THSD7A: variants seen among roughly 807,000 people sequenced by gnomAD.
THSD7A encodes the protein thrombospondin type-1 domain-containing protein 7A.
THSD7A carries 96 observed loss-of-function variants against 231.3 expected under a neutral mutation model. The ratio of observed to expected loss-of-function variants is 0.41; its 90% CI spans 0.35 to 0.49. The LOEUF is 0.49. Ranked by LOEUF, THSD7A falls within the 20% of genes least tolerant of loss-of-function variation. The probability of loss-of-function intolerance (pLI) is 0.05; values close to 1 mark genes in which losing one functional copy is unlikely to be tolerated. For synonymous variants in THSD7A, 940 were observed against 743.3 expected, an observed-to-expected ratio of 1.26 and a Z score of -4.30; for missense variants, 2,290 against 2,070.2, an observed-to-expected ratio of 1.11 and a Z score of -2.06.
intron 5 of THSD7A, 89 bp from the exon 6 acceptor site, chr7:11,541,720 A>T (rs928416310): frequency 8.1e-7 from 1 of 1,230,550 alleles, no homozygotes; most frequent in African/African-American, 1.5e-5. Context: ...TAAAAGTTGG[A>T]TAAGAGTGGA....
intron 1 of THSD7A, among the ~76,000 whole-genome samples, chr7:11,698,266 C>T (rs545900356): frequency 7.3e-5 from 11 of 151,122 alleles, no homozygotes; most frequent in Admixed American, 2.6e-4. Flanking sequence ...AAAATATGAT[C>T]GTGGTAGATA....
At chr7:11,504,512 C>T (rs546154587) in intron 6 of THSD7A, among the ~76,000 whole-genome samples, 15 of 151,948 alleles carry the variant, frequency 9.9e-5, no homozygotes, top group African/African-American at 2.4e-4. Context: ...AATAACTGTC[C>T]GCTATTATTC....
chr7:11,734,069 A>G (rs919327294), intron 1 of THSD7A, among the ~76,000 whole-genome samples: 1 of 151,870 alleles, frequency 6.6e-6, no homozygotes, highest in Admixed American at 6.6e-5. Context: ...CCCTTGAGTC[A>G]TCTCTTCAAC....
At chr7:11,803,593 T>C (rs963726638) in intron 1 of THSD7A, among the ~76,000 whole-genome samples, 29 of 152,262 alleles carry the variant, frequency 1.9e-4, no homozygotes, top group African/African-American at 6.7e-4. Context: ...ACAGATATAC[T>C]CATTTATGGT....
chr7:11,447,834 A>G (rs371272128), intron 11 of THSD7A, among the ~76,000 whole-genome samples: 23 of 152,128 alleles, frequency 1.5e-4, no homozygotes, highest in South Asian at 6.2e-4. Context: ...GATACTAGGT[A>G]TATCTAATAT....
chr7:11,707,043 G>T (rs910783525), intron 1 of THSD7A, among the ~76,000 whole-genome samples: 1 of 150,668 alleles, frequency 6.6e-6, no homozygotes, highest in Non-Finnish European at 1.5e-5. Context: ...TATTCAACTG[G>T]CTTAAATATA....
intron 2 of THSD7A, among the ~76,000 whole-genome samples, chr7:11,625,452 C>A (rs929800933): frequency 6.6e-6 from 1 of 151,996 alleles, no homozygotes. Context: ...ATCATCACAT[C>A]TTTTATCTAA....
intron 1 of THSD7A, chr7:11,820,694 G>A: frequency 1.1e-6 from 1 of 903,186 alleles, no homozygotes; most frequent in Non-Finnish European, 1.9e-6. Flanking sequence ...CAGTCTCGAT[G>A]TCTCAAAGCC....
chr7:11,552,011 T>C (rs1005739462), intron 4 of THSD7A, among the ~76,000 whole-genome samples: 2 of 152,104 alleles, frequency 1.3e-5, no homozygotes, highest in Non-Finnish European at 2.9e-5. Context: ...TCATGTCCTT[T>C]GCAGCAACAT....
At chr7:11,650,243 C>T (rs2128368096) in intron 1 of THSD7A, among the ~76,000 whole-genome samples, 1 of 152,046 alleles carries the variant, frequency 6.6e-6, no homozygotes, top group Non-Finnish European at 1.5e-5. Context: ...TTTTGTTCTA[C>T]TTTTTTTCAG....
At chr7:11,775,988 C>T (rs553760448) in intron 1 of THSD7A, among the ~76,000 whole-genome samples, 5 of 152,216 alleles carry the variant, frequency 3.3e-5, no homozygotes, top group African/African-American at 7.2e-5. Flanking sequence ...TATAAAGATA[C>T]ATTTTGTAAG....
At chr7:11,549,739 G>GC (rs1789545351) in intron 4 of THSD7A, among the ~76,000 whole-genome samples, 1 of 151,864 alleles carries the variant, frequency 6.6e-6, no homozygotes, top group South Asian at 2.1e-4. Context: ...AGGACACAGG[G>GC]AGGGGAACAA....
rs117178357 is a variant in THSD7A, at chr7:11,696,833, G to A, written c.191-59872C>T. Reference sequence around the variant, plus strand: ...GGCATGCAGCATAAATGACTGAATAGAGTAAGTAGTAATGTAATATAGAAA... The same window carrying A: ...GGCATGCAGCATAAATGACTGAATAAAGTAAGTAGTAATGTAATATAGAAA... On this transcript the variant is annotated intron_variant, in intron 1 of 27. Coordinates refer to ENST00000423059, the MANE Select transcript of THSD7A (RefSeq NM_015204.3). Among the ~76,000 whole-genome samples, 910 of 151,556 alleles carry A rather than the reference G, an allele frequency of 6.0e-3. 5 individuals carry two copies. The highest frequency in any genetic ancestry group is 8.4e-3 in the Admixed American group (128 of 15,186).
At chr7:11,784,375 A>G (rs1783723317) in intron 1 of THSD7A, among the ~76,000 whole-genome samples, 1 of 149,786 alleles carries the variant, frequency 6.7e-6, no homozygotes. Flanking sequence ...TTCCCAACTA[A>G]TTTTTTTTTC....
At chr7:11,712,118 T>C (rs1481845906) in intron 1 of THSD7A, among the ~76,000 whole-genome samples, 1 of 151,022 alleles carries the variant, frequency 6.6e-6, no homozygotes, top group African/African-American at 2.4e-5. Context: ...CTTCTGTCTA[T>C]GGTATATGTT....
intron 1 of THSD7A, among the ~76,000 whole-genome samples, chr7:11,718,087 C>A (rs1044146200): frequency 6.6e-6 from 1 of 151,630 alleles, no homozygotes; most frequent in African/African-American, 2.4e-5. Flanking sequence ...AATGTAATTT[C>A]TCTGGACCAG....
rs191159162 is a variant in THSD7A at position 11,557,557 on chromosome 7, A to G, written c.1454-14440T>C. Among the ~76,000 whole-genome samples the G allele has an allele frequency of 3.9e-5, 6 of 152,194 alleles. No individual in the cohort carries two copies. In the East Asian group the frequency reaches 1.2e-3, roughly 29 times the overall value. On this transcript the variant is annotated intron_variant, in intron 4 of 27. Coordinates refer to ENST00000423059, the MANE Select transcript of THSD7A (RefSeq NM_015204.3). ...CCAGACATTTTTGCCTCATGTCACA[A>G]GACTCTAGATCTTTTAAAATCCTTT...
intron 1 of THSD7A, among the ~76,000 whole-genome samples, chr7:11,780,835 C>T (rs1783599803): frequency 6.6e-6 from 1 of 150,908 alleles, no homozygotes; most frequent in South Asian, 2.1e-4. Flanking sequence ...ACTAAAAATA[C>T]AAAAAATTAG....
chr7:11,521,192 A>G (rs1788247527), intron 6 of THSD7A, among the ~76,000 whole-genome samples: 1 of 150,594 alleles, frequency 6.6e-6, no homozygotes, highest in African/African-American at 2.5e-5. Context: ...ATACATACTA[A>G]GACAAATACA....
Sources: gnomAD v4.1 joint callset for allele counts (sites outside exome capture counted in the v4.1 genomes callset) on GRCh38, gnomAD v4.1.1 for gene constraint, MANE v1.5 for transcripts, NCBI Gene and HGNC (gene_info 2026-07-23, HGNC 2026-07-21) for gene names.